Variants in SLC35F4 observed in about 807,000 individuals in gnomAD.
SLC35F4 encodes the protein solute carrier family 35 member F4.
A neutral mutation model predicts 44.2 loss-of-function variants in SLC35F4; 24 were observed. The ratio of observed to expected loss-of-function variants is 0.54; its 90% CI spans 0.39 to 0.76. SLC35F4 has a LOEUF of 0.76. SLC35F4 is among the 30% of genes least tolerant of loss of function. SLC35F4 has a pLI of 0.00. For missense variants in SLC35F4, 562 were observed against 586.1 expected, an observed-to-expected ratio of 0.96 and a Z score of 0.42; for synonymous variants, 238 against 223.6, an observed-to-expected ratio of 1.06 and a Z score of -0.57.
At chr14:57,638,249 G>A (rs945541216) in intron 1 of SLC35F4, among the ~76,000 whole-genome samples, 1 of 152,196 alleles carries the variant, frequency 6.6e-6, no homozygotes, top group Non-Finnish European at 1.5e-5. Context: ...ACTTTCTCCT[G>A]ATAAGAGACC....
At chr14:57,805,159 T>C (rs1881154548) in intron 1 of SLC35F4, among the ~76,000 whole-genome samples, 1 of 152,208 alleles carries the variant, frequency 6.6e-6, no homozygotes, top group South Asian at 2.1e-4. Flanking sequence ...GGAATACTTT[T>C]ACACTGTTGG....
intron 1 of SLC35F4, among the ~76,000 whole-genome samples, chr14:57,680,471 G>A (rs1244202726): frequency 6.6e-6 from 1 of 152,072 alleles, no homozygotes; most frequent in Non-Finnish European, 1.5e-5. Flanking sequence ...CACAACACAA[G>A]GATGCCCTCT....
chr14:57,717,225 T>C (rs2075967288), intron 1 of SLC35F4, among the ~76,000 whole-genome samples: 1 of 152,206 alleles, frequency 6.6e-6, no homozygotes, highest in Non-Finnish European at 1.5e-5. Flanking sequence ...CAGTAGTATT[T>C]GTCATATGAT....
intron 5 of SLC35F4, 57 bp downstream of exon 5, chr14:57,571,837 G>A (rs1008766507): frequency 1.3e-6 from 2 of 1,568,018 alleles, no homozygotes; most frequent in African/African-American, 1.4e-5. Flanking sequence ...TCTTACTTTA[G>A]TACTCAAGTC....
chr14:57,784,267 A>C (rs2140763201), intron 1 of SLC35F4, among the ~76,000 whole-genome samples: 1 of 152,308 alleles, frequency 6.6e-6, no homozygotes, highest in East Asian at 1.9e-4. Flanking sequence ...GATTTTAGAC[A>C]ATCTGGCTAA....
intron 1 of SLC35F4, among the ~76,000 whole-genome samples, chr14:57,635,373 G>C (rs553451597): frequency 1.3e-5 from 2 of 152,034 alleles, no homozygotes; most frequent in East Asian, 3.9e-4. Context: ...GAGAGGGGTC[G>C]GAGGGAGACT....
At chr14:57,798,015 C>T (rs1437256812) in intron 1 of SLC35F4, among the ~76,000 whole-genome samples, 1 of 148,414 alleles carries the variant, frequency 6.7e-6, no homozygotes, top group Non-Finnish European at 1.5e-5. Flanking sequence ...ACTCATCAGT[C>T]TGAACTCCAG....
intron 1 of SLC35F4, among the ~76,000 whole-genome samples, chr14:57,907,044 G>A (rs1457829819): frequency 1.3e-5 from 2 of 152,006 alleles, no homozygotes; most frequent in African/African-American, 2.4e-5. Flanking sequence ...AGTATGTATT[G>A]GTTGCATTTG....
chr14:57,853,562 T>C (rs998085426), intron 1 of SLC35F4, among the ~76,000 whole-genome samples: 1 of 152,150 alleles, frequency 6.6e-6, no homozygotes, highest in Non-Finnish European at 1.5e-5. Flanking sequence ...GTGCATGTGA[T>C]ATAAATTGGG....
chr14:57,633,821 C>A (rs1271535454), intron 1 of SLC35F4, among the ~76,000 whole-genome samples: 1 of 152,064 alleles, frequency 6.6e-6, no homozygotes, highest in African/African-American at 2.4e-5. Flanking sequence ...CAGCATAATG[C>A]CCTCAGATGT....
At chr14:57,893,418 T>C (rs182839794) in intron 1 of SLC35F4, among the ~76,000 whole-genome samples, 2 of 152,296 alleles carry the variant, frequency 1.3e-5, no homozygotes, top group Admixed American at 6.5e-5. Flanking sequence ...TATGTAAAGG[T>C]TTAGAGAGGC....
chr14:57,860,516 CCACCAAGAG>C, intron 1 of SLC35F4, among the ~76,000 whole-genome samples: 1 of 152,256 alleles, frequency 6.6e-6, no homozygotes, highest in Middle Eastern at 3.4e-3. Context: ...AAATCCATGT[CCACCAAGAG>C]GTGTCCCAGG....
At chr14:57,592,063 CTT>C (rs929357260) in intron 2 of SLC35F4, among the ~76,000 whole-genome samples, 6 of 152,176 alleles carry the variant, frequency 3.9e-5, no homozygotes, top group African/African-American at 1.4e-4. Flanking sequence ...ACCCAGAACT[CTT>C]TTATTTTCTG....
Position 57,954,489 on chromosome 14 carries a change from C to T in SLC35F4, n.282+27424G>A, listed in dbSNP as rs193098068. ...AAAAAATCAATGAATCCAGGAGCTG[C>T]GTTTTTGAAAAGATTAACAAAATAG... On this transcript the variant is annotated intron_variant and non_coding_transcript_variant, in intron 1 of 1. Transcript: ENST00000556568. 7.7e-4 allele frequency among the ~76,000 whole-genome samples: 117 copies of T among 151,904 alleles called. 1 individual carries two copies. The highest frequency in any genetic ancestry group is 2.6e-3 in the Admixed American group (40 of 15,238).
chr14:57,611,529 A>G (rs2071499221), intron 1 of SLC35F4, among the ~76,000 whole-genome samples: 1 of 151,980 alleles, frequency 6.6e-6, no homozygotes, highest in Non-Finnish European at 1.5e-5. Context: ...ACGATATGGT[A>G]CAGTTGTCAA....
At chr14:57,776,664 T>TAAA (rs1219627690) in intron 1 of SLC35F4, among the ~76,000 whole-genome samples, 1 of 32,554 alleles carries the variant, frequency 3.1e-5, no homozygotes, top group African/African-American at 2.3e-4. Context: ...AGACTCCATC[T>TAAA]CAAAAAAAAA....
upstream of SLC35F4, among the ~76,000 whole-genome samples, chr14:57,867,796 G>C (rs984553604): frequency 6.6e-6 from 1 of 151,880 alleles, no homozygotes; most frequent in Non-Finnish European, 1.5e-5. Flanking sequence ...TTTGATAATA[G>C]CCATCATAAT....
At chr14:57,888,241 C>T (rs545659831) in intron 1 of SLC35F4, among the ~76,000 whole-genome samples, 7 of 152,114 alleles carry the variant, frequency 4.6e-5, no homozygotes, top group Non-Finnish European at 8.8e-5. Flanking sequence ...TAATTATTTC[C>T]CCCTCAGGAA....
At chr14:57,751,584 C>G (rs1433324889) in intron 1 of SLC35F4, among the ~76,000 whole-genome samples, 1 of 152,128 alleles carries the variant, frequency 6.6e-6, no homozygotes, top group African/African-American at 2.4e-5. Flanking sequence ...GTTGTGAAAT[C>G]CTAGTGCTTC....
Sources: allele counts gnomAD v4.1 joint callset (sites outside exome capture counted in the v4.1 genomes callset), GRCh38; gene constraint gnomAD v4.1.1; transcripts MANE v1.5; gene names NCBI Gene and HGNC (gene_info 2026-07-23, HGNC 2026-07-21).